The following CCDC171 variants were observed in gnomAD, a reference collection of about 807,000 sequenced individuals.
The protein encoded by CCDC171 is coiled-coil domain containing 171, also known as coiled-coil domain-containing protein 171.
Under a neutral mutation model 168.2 loss-of-function variants are expected in CCDC171, and 177 were observed. The observed-to-expected ratio is 1.05, with a 90% CI of 0.93 to 1.19. The LOEUF is 1.19. Among genes scored for constraint, CCDC171 ranks in the 50% most tolerant of loss-of-function variants. The pLI, the probability that CCDC171 is intolerant of heterozygous loss-of-function variation, is 0.00. For missense variants in CCDC171, 1,991 were observed against 1,539.0 expected (o/e 1.29, Z -4.91); for synonymous variants, 687 against 540.8 (o/e 1.27, Z -3.75).
chr9:15,985,634 T>G (rs1303841218), intron 3 of CCDC171, among the ~76,000 whole-genome samples: 1 of 152,222 alleles, frequency 6.6e-6, no homozygotes, highest in Non-Finnish European at 1.5e-5. Flanking sequence ...TTCCAACTTT[T>G]GGTATACTAG....
intron 25 of CCDC171, among the ~76,000 whole-genome samples, chr9:15,934,363 C>T (rs1347390689): frequency 1.4e-5 from 2 of 139,966 alleles, no homozygotes; most frequent in South Asian, 2.2e-4. Flanking sequence ...GCACTCCAGC[C>T]TGGGCAACAG....
Position 15,806,100 on chromosome 9 carries a change from A to G in CCDC171, c.3267+21406A>G, listed in dbSNP as rs1439751766. Among the ~76,000 whole-genome samples, 4 of 152,052 alleles carry G rather than the reference A, an allele frequency of 2.6e-5. No individual in the cohort carries two copies. In the Middle Eastern group the frequency reaches 0.01, roughly 388 times the overall value. On this transcript the variant is annotated intron_variant, in intron 21 of 25. Transcript: ENST00000380701. ...GCATTTGCTTGGTAAACGTTTCTCC[A>G]TCCTTTTATTTTGAGCCTACCTGTG...
chr9:15,810,478 T>C (rs776187176), intron 21 of CCDC171, among the ~76,000 whole-genome samples: 34 of 91,206 alleles, frequency 3.7e-4, no homozygotes, highest in Admixed American at 4.8e-4. Flanking sequence ...CTAGGGCCAC[T>C]TGGGGGCCCG....
At chr9:15,862,334 T>G (rs1439140442) in intron 23 of CCDC171, among the ~76,000 whole-genome samples, 1 of 151,810 alleles carries the variant, frequency 6.6e-6, no homozygotes, top group East Asian at 1.9e-4. Flanking sequence ...TCTGCTGGTT[T>G]TAGTCTGCTG....
intron 3 of CCDC171, among the ~76,000 whole-genome samples, chr9:16,014,901 T>C (rs1306462292): frequency 1.3e-5 from 2 of 152,118 alleles, no homozygotes; most frequent in African/African-American, 2.4e-5. Flanking sequence ...GATTTCAGAA[T>C]GGTAAATGAG....
intron 25 of CCDC171, among the ~76,000 whole-genome samples, chr9:15,947,310 C>G (rs1828523261): frequency 6.6e-6 from 1 of 151,934 alleles, no homozygotes; most frequent in Non-Finnish European, 1.5e-5. Context: ...ACTAAATACA[C>G]TTTTAAAATA....
At chr9:15,932,401 T>G (rs1564020633) in intron 25 of CCDC171, among the ~76,000 whole-genome samples, 1 of 152,054 alleles carries the variant, frequency 6.6e-6, no homozygotes, top group East Asian at 1.9e-4. Context: ...CTTTATTTCT[T>G]TTTCAGATAG....
chr9:15,581,737 G>A (rs2041135819), intron 4 of CCDC171, among the ~76,000 whole-genome samples: 2 of 151,998 alleles, frequency 1.3e-5, no homozygotes, highest in Non-Finnish European at 1.5e-5. Context: ...TATGCAGAAA[G>A]CTGAAACTGG....
rs901105305 is a variant in CCDC171 at position 15,723,641 on chromosome 9, T to C, written c.1426-40T>C. The C allele has an allele frequency of 5.4e-6, 8 of 1,492,806 alleles. No individual in the cohort carries two copies. In the African/African-American group the frequency reaches 9.9e-5, roughly 18 times the overall value. The allele number at this position is 1,492,806 out of a possible 1,614,324, so 92.5% of individuals were successfully genotyped here. A position where few individuals can be genotyped will look rare whatever the true frequency, so the allele number is the denominator to read the frequency against. The stretch of plus-strand genomic sequence containing the variant: ...TTGAAAAATGTAAAAAAGTTACTTA[T>C]ATTTTCTTTCATCAGCTAAACAGCA... On this transcript the variant is annotated intron_variant, in intron 12 of 25. Transcript: ENST00000380701.
intron 8 of CCDC171, among the ~76,000 whole-genome samples, chr9:15,662,131 C>T (rs931122431): frequency 2.0e-5 from 3 of 152,048 alleles, no homozygotes; most frequent in African/African-American, 7.2e-5. Context: ...ACAAAAGTTA[C>T]CTGGGTGTGG....
intron 3 of CCDC171, among the ~76,000 whole-genome samples, chr9:15,985,272 A>G (rs1000825391): frequency 6.6e-6 from 1 of 152,132 alleles, no homozygotes; most frequent in Non-Finnish European, 1.5e-5. Flanking sequence ...TTTTGGACCA[A>G]TCATACAAAT....
At chr9:15,614,730 C>A (rs1416276381) in intron 6 of CCDC171, among the ~76,000 whole-genome samples, 1 of 152,126 alleles carries the variant, frequency 6.6e-6, no homozygotes, top group East Asian at 1.9e-4. Flanking sequence ...TTAAAAATAT[C>A]ATGTTTTCTC....
intron 21 of CCDC171, among the ~76,000 whole-genome samples, chr9:15,819,146 G>A (rs1463994617): frequency 8.5e-6 from 1 of 117,560 alleles, no homozygotes; most frequent in Admixed American, 8.0e-5. Flanking sequence ...CAAATGCTGA[G>A]AGATTTTGTC....
At chr9:16,029,914 A>G (rs1821263757) in intron 6 of CCDC171, among the ~76,000 whole-genome samples, 1 of 152,208 alleles carries the variant, frequency 6.6e-6, no homozygotes, top group Admixed American at 6.5e-5. Flanking sequence ...AGTAGTTTAT[A>G]AACTGGAATT....
chr9:15,717,345 A>T (rs1489292107), intron 11 of CCDC171, among the ~76,000 whole-genome samples: 1 of 152,202 alleles, frequency 6.6e-6, no homozygotes, highest in Non-Finnish European at 1.5e-5. Flanking sequence ...GAGCTCTGAC[A>T]AGCCTTGCCA....
chr9:15,875,729 C>T (rs1817751602), intron 24 of CCDC171: 1 of 151,740 alleles, frequency 6.6e-6, no homozygotes, highest in Non-Finnish European at 1.5e-5. Flanking sequence ...GCTCCATATC[C>T]TAATTTAATT....
At chr9:15,581,528 C>G (rs1352316695) in intron 4 of CCDC171, among the ~76,000 whole-genome samples, 1 of 152,168 alleles carries the variant, frequency 6.6e-6, no homozygotes, top group Non-Finnish European at 1.5e-5. Flanking sequence ...TGACTTCAAA[C>G]TATACTACAA....
chr9:15,613,916 C>T (rs749177778), intron 6 of CCDC171, among the ~76,000 whole-genome samples: 1 of 152,164 alleles, frequency 6.6e-6, no homozygotes, highest in Non-Finnish European at 1.5e-5. Context: ...AGTGTGTATT[C>T]TTTGTCATGT....
At chr9:15,723,640 A>G (rs1344024344) in intron 12 of CCDC171, 41 bp from the exon 13 acceptor site, 4 of 1,485,084 alleles carry the variant, frequency 2.7e-6, no homozygotes, top group Admixed American at 3.9e-5. Context: ...AAAGTTACTT[A>G]TATTTTCTTT....
Sources: gnomAD v4.1 joint callset for allele counts (sites outside exome capture counted in the v4.1 genomes callset) on GRCh38, gnomAD v4.1.1 for gene constraint, MANE v1.5 for transcripts, NCBI Gene and HGNC (gene_info 2026-07-23, HGNC 2026-07-21) for gene names.